The following OCA2 variants were observed in gnomAD, a reference collection of about 807,000 sequenced individuals.
OCA2 encodes P protein.
Under a neutral mutation model 100.2 loss-of-function variants are expected in OCA2, and 77 were observed. That is an observed-to-expected ratio of 0.77 (90% CI 0.64 to 0.93). The LOEUF (loss-of-function observed/expected upper bound fraction) is 0.93, where lower values mean the gene tolerates loss of function less well. OCA2 is among the 40% of genes least tolerant of loss of function. OCA2 has a pLI of 0.00. For missense variants in OCA2, 1,062 were observed against 1,089.1 expected (o/e 0.98, Z 0.35); for synonymous variants, 432 against 439.2 (o/e 0.98, Z 0.21).
At chr15:27,947,887 A>C (rs1467609442) in intron 18 of OCA2, among the ~76,000 whole-genome samples, 1 of 152,052 alleles carries the variant, frequency 6.6e-6, no homozygotes, top group Non-Finnish European at 1.5e-5. Flanking sequence ...CTCTGGGTTG[A>C]AGCTCCCGGA....
intron 19 of OCA2, among the ~76,000 whole-genome samples, chr15:27,887,307 C>T (rs1418431004): frequency 1.3e-5 from 2 of 151,456 alleles, no homozygotes; most frequent in African/African-American, 4.9e-5. Flanking sequence ...TATTTCATCC[C>T]TCAAAATCAG....
chr15:27,833,035 C>T (rs146673326), intron 23 of OCA2, among the ~76,000 whole-genome samples: 3 of 152,032 alleles, frequency 2.0e-5, no homozygotes, highest in South Asian at 4.2e-4. Context: ...AGGCTGGTCT[C>T]GAACTCCTGA....
intron 22 of OCA2, 78 bp from the exon 23 acceptor site, chr15:27,845,130 G>T: frequency 9.5e-7 from 1 of 1,058,064 alleles, no homozygotes; most frequent in Non-Finnish European, 1.5e-6. Context: ...GTAATATTTA[G>T]ATCATCTCAC....
rs1567042263 is a variant in OCA2, at chr15:27,870,724, GAA to G, written c.2244+428_2244+429del. ...AGAAGGAAGGAAGGAAGGAAGGAAA[GAA>G]GGAAGGAAGGGAGGGAGGGAGGGAG... On this transcript the variant is annotated intron_variant, in intron 21 of 23. Transcript: ENST00000354638. Among the ~76,000 whole-genome samples, 344 of 94,876 alleles carry G rather than the reference GAA, an allele frequency of 3.6e-3. 1 individual carries two copies. Among genetic ancestry groups the G allele is most frequent in the African/African-American group, 0.014 (333 of 23,596 alleles). The allele number at this position is 94,876 out of a possible 152,430, so 62.2% of individuals were successfully genotyped here.
At chr15:27,903,244 C>A (rs538918154) in intron 19 of OCA2, among the ~76,000 whole-genome samples, 2 of 152,180 alleles carry the variant, frequency 1.3e-5, no homozygotes, top group Non-Finnish European at 2.9e-5. Flanking sequence ...CTGTCCTCAC[C>A]CAGCTGTGTG....
chr15:28,062,944 C>T (rs1037787225), intron 2 of OCA2, among the ~76,000 whole-genome samples: 1 of 152,168 alleles, frequency 6.6e-6, no homozygotes, highest in Non-Finnish European at 1.5e-5. Context: ...AACACACAGT[C>T]TTAAATTACT....
intron 19 of OCA2, among the ~76,000 whole-genome samples, chr15:27,872,637 A>C (rs1465781239): frequency 6.6e-6 from 1 of 151,862 alleles, no homozygotes; most frequent in Non-Finnish European, 1.5e-5. Flanking sequence ...GCGCTGAAAG[A>C]CTGCAAATAT....
chr15:27,779,040 T>C (rs2032399468), intron 23 of OCA2, among the ~76,000 whole-genome samples: 2 of 152,232 alleles, frequency 1.3e-5, no homozygotes. Flanking sequence ...AGACAGAAGT[T>C]TACTAAAACT....
chr15:27,998,781 A>C (rs2041833366), intron 9 of OCA2, among the ~76,000 whole-genome samples: 1 of 147,222 alleles, frequency 6.8e-6, no homozygotes, highest in Non-Finnish European at 1.5e-5. Context: ...TCACAATAGC[A>C]AAGACTTGGA....
At chr15:27,806,862 C>T (rs531675033) in intron 23 of OCA2, among the ~76,000 whole-genome samples, 13 of 152,320 alleles carry the variant, frequency 8.5e-5, no homozygotes, top group African/African-American at 2.9e-4. Context: ...GCTGCATGGC[C>T]GAGCCTCACT....
At chr15:27,847,454 C>T (rs8029469) in intron 22 of OCA2, among the ~76,000 whole-genome samples, 106,850 of 151,856 alleles carry the variant, frequency 0.7, 38,562 homozygotes, top group East Asian at 1. Context: ...GGCATAGGCT[C>T]CTACACAGGC....
intron 22 of OCA2, among the ~76,000 whole-genome samples, chr15:27,846,780 GA>G (rs2035553637): frequency 6.6e-6 from 1 of 152,172 alleles, no homozygotes; most frequent in Non-Finnish European, 1.5e-5. Context: ...TGGGGAGGAG[GA>G]AAGGATGTTG....
chr15:28,091,191 T>C (rs2044864323), intron 1 of OCA2, among the ~76,000 whole-genome samples: 1 of 152,236 alleles, frequency 6.6e-6, no homozygotes, highest in African/African-American at 2.4e-5. Flanking sequence ...AAATTAAATT[T>C]GAATTTTTAC....
intron 23 of OCA2, among the ~76,000 whole-genome samples, chr15:27,756,161 C>T (rs907248551): frequency 8.5e-5 from 13 of 152,246 alleles, no homozygotes; most frequent in Admixed American, 2.6e-4. Flanking sequence ...GGGTAATGCA[C>T]GCTCTGTAGC....
intron 19 of OCA2, chr15:27,896,522 T>C (rs142968479): frequency 1.2e-5 from 6 of 500,510 alleles, no homozygotes; most frequent in African/African-American, 9.6e-5. Context: ...AAAAGAAAGA[T>C]TGAGTAGCTC....
intron 23 of OCA2, among the ~76,000 whole-genome samples, chr15:27,766,860 C>T (rs1048805216): frequency 7.9e-5 from 12 of 152,154 alleles, no homozygotes; most frequent in African/African-American, 1.2e-4. Flanking sequence ...AGGTGGAGGG[C>T]GCCAAGTGAA....
chr15:27,777,300 A>C (rs1238859238), intron 23 of OCA2, among the ~76,000 whole-genome samples: 1 of 152,108 alleles, frequency 6.6e-6, no homozygotes, highest in Non-Finnish European at 1.5e-5. Flanking sequence ...AAACGCACAG[A>C]AAAAAACGCT....
chr15:27,748,412 T>G, the OCA2 span, among the ~76,000 whole-genome samples: 12 of 152,020 alleles, frequency 7.9e-5, no homozygotes, highest in African/African-American at 2.7e-4. Context: ...TCAAGCAGCA[T>G]CAGCAGGGAG....
intron 15 of OCA2, among the ~76,000 whole-genome samples, chr15:27,958,376 G>C (rs1048975562): frequency 3.9e-5 from 6 of 152,184 alleles, no homozygotes; most frequent in African/African-American, 1.2e-4. Flanking sequence ...ATCTTTGAGG[G>C]GTTTCAGGAG....
Sources: gnomAD v4.1 joint callset for allele counts (sites outside exome capture counted in the v4.1 genomes callset) on GRCh38, gnomAD v4.1.1 for gene constraint, MANE v1.5 for transcripts, NCBI Gene and HGNC (gene_info 2026-07-23, HGNC 2026-07-21) for gene names.